The following LPXN variants were observed in gnomAD, a reference collection of about 807,000 sequenced individuals.
LPXN encodes the protein leupaxin.
LPXN carries 28 observed loss-of-function variants against 45.6 expected under a neutral mutation model. The ratio of observed to expected loss-of-function variants is 0.61; its 90% CI spans 0.45 to 0.84. LPXN has a LOEUF of 0.84. Among genes scored for constraint, LPXN ranks in the 40% least tolerant of loss-of-function variants. LPXN has a pLI of 0.00. For synonymous variants in LPXN, 166 were observed against 169.9 expected, an observed-to-expected ratio of 0.98 and a Z score of 0.18; for missense variants, 459 against 475.0, an observed-to-expected ratio of 0.97 and a Z score of 0.31.
intron 1 of LPXN, 90 bp from the exon 2 acceptor site, chr11:58,570,803 T>C (rs1854671946): frequency 1.1e-6 from 1 of 903,256 alleles, no homozygotes; most frequent in Admixed American, 2.8e-5. Context: ...GTGCCCACAT[T>C]CATCTCCTTT....
At chr11:58,528,796 G>T (rs529740778) in intron 7 of LPXN, among the ~76,000 whole-genome samples, 1 of 152,220 alleles carries the variant, frequency 6.6e-6, no homozygotes, top group South Asian at 2.1e-4. Context: ...TAAACACAAT[G>T]ACTCATACCA....
At chr11:58,545,063 CT>C (rs1853838673) in intron 7 of LPXN, among the ~76,000 whole-genome samples, 1 of 152,076 alleles carries the variant, frequency 6.6e-6, no homozygotes, top group Admixed American at 6.6e-5. Context: ...GGCAGGAGAC[CT>C]TTTTACAGAA....
At chr11:58,565,407 C>G (rs1308172504) in intron 2 of LPXN, among the ~76,000 whole-genome samples, 1 of 151,976 alleles carries the variant, frequency 6.6e-6, no homozygotes, top group African/African-American at 2.4e-5. Flanking sequence ...GTGTTGCGTG[C>G]CTGTAATCCC....
intron 3 of LPXN, among the ~76,000 whole-genome samples, chr11:58,558,540 CAAAAA>C (rs35870490): frequency 6.2e-5 from 3 of 48,018 alleles, no homozygotes; most frequent in African/African-American, 2.2e-4. Context: ...GAGACCCTGT[CAAAAA>C]AAAAAAAAAA....
At chr11:58,572,221 G>C (rs998728782) in intron 1 of LPXN, among the ~76,000 whole-genome samples, 12 of 151,302 alleles carry the variant, frequency 7.9e-5, no homozygotes, top group Admixed American at 1.3e-4. Context: ...AAAAAAAACA[G>C]ATTTTTCATT....
chr11:58,563,507 C>T (rs1352838890), intron 3 of LPXN, among the ~76,000 whole-genome samples: 1 of 152,148 alleles, frequency 6.6e-6, no homozygotes, highest in Non-Finnish European at 1.5e-5. Flanking sequence ...ATTTTATGCT[C>T]TTTAATTTGT....
At chr11:58,573,725 G>C (rs534529758) in intron 1 of LPXN, among the ~76,000 whole-genome samples, 1 of 152,138 alleles carries the variant, frequency 6.6e-6, no homozygotes, top group African/African-American at 2.4e-5. Context: ...CTGGAGAGTG[G>C]GGGCGGGGGA....
At chr11:58,570,907 A>ATT (rs1274153277) in intron 1 of LPXN, among the ~76,000 whole-genome samples, 194 bp from the exon 2 acceptor site, 1 of 152,188 alleles carries the variant, frequency 6.6e-6, no homozygotes, top group Non-Finnish European at 1.5e-5. Flanking sequence ...TAACACCTCC[A>ATT]TAAATTGTGG....
chr11:58,532,953 G>A (rs531309616), intron 7 of LPXN, among the ~76,000 whole-genome samples: 6 of 152,146 alleles, frequency 3.9e-5, no homozygotes, highest in Admixed American at 3.3e-4. Context: ...TGAGGCCAGC[G>A]AGACCACGAA....
intron 4 of LPXN, among the ~76,000 whole-genome samples, chr11:58,552,131 T>C (rs574184191): frequency 7.2e-5 from 11 of 152,132 alleles, no homozygotes; most frequent in Non-Finnish European, 1.0e-4. Context: ...CTGTGGTAGC[T>C]GAGTGGAGAA....
At position 58,528,097 on chromosome 11, in the gene LPXN, T is replaced by G; in HGVS notation, c.837A>C (p.Glu279Asp). Residue 279 changes from glutamate to aspartate, a missense_variant, in exon 8 of 9, where the codon GAA (glutamate) becomes GAC (aspartate). Physicochemically the swap from Glu to Asp is conservative, Grantham distance 45. Coordinates refer to ENST00000395074, the MANE Select transcript of LPXN (RefSeq NM_004811.3). ...CAGTGTCCATGGCTGAAAGGTAGTT[T>G]TCCAACACTGGGCGATTGCAGCCAC... The part of the protein sequence containing the change: ...KCGGCNRPVL[E>D]NYLSAMDTVW... The G allele has an allele frequency of 6.2e-7, 1 of 1,614,212 alleles. No homozygotes were observed. Among genetic ancestry groups the G allele is most frequent in the Non-Finnish European group, 8.5e-7 (1 of 1,180,022 alleles).
At chr11:58,545,716 G>A (rs1853857347) in intron 7 of LPXN, among the ~76,000 whole-genome samples, 2 of 152,118 alleles carry the variant, frequency 1.3e-5, no homozygotes, top group African/African-American at 4.8e-5. Flanking sequence ...CAGCCGAAGA[G>A]GAATTGAATT....
intron 2 of LPXN, among the ~76,000 whole-genome samples, chr11:58,564,884 T>C (rs550445348): frequency 1.8e-4 from 27 of 152,122 alleles, no homozygotes; most frequent in Non-Finnish European, 1.2e-4. Flanking sequence ...AGGACTTATA[T>C]AGGAGGTGGG....
At chr11:58,559,255 T>C (rs1362064293) in intron 3 of LPXN, among the ~76,000 whole-genome samples, 12 of 152,254 alleles carry the variant, frequency 7.9e-5, no homozygotes, top group African/African-American at 2.4e-4. Context: ...TAGGTGGTTA[T>C]ATAAATTTAT....
chr11:58,527,695 G>C lies in LPXN; in HGVS notation c.920C>G (p.Ser307Cys). 3.7e-6 allele frequency: 6 copies of C among 1,614,094 alleles called. No homozygotes were observed. Among genetic ancestry groups the C allele is most frequent in the Non-Finnish European group, 5.1e-6 (6 of 1,180,018 alleles). ...TGGACGTCCATCCAGTTCAAAGAAG[G>C]AGCCAGTAGAAAAACTGGTGAAGCA... ...GDCFTSFSTG[S>C]FFELDGRPFC... The change falls in exon 9 of 9, where the codon TCC becomes TGC. Residue 307 changes from serine (S) to cysteine (C), a missense_variant. Transcript: ENST00000395074.
chr11:58,575,729 C>G (rs774427710), intron 1 of LPXN, 31 bp downstream of exon 1: 49 of 1,613,908 alleles, frequency 3.0e-5, no homozygotes, highest in Non-Finnish European at 4.2e-5. Flanking sequence ...TCTTCACTCC[C>G]TCAGAGTTTC....
chr11:58,555,270 C>T (rs932473241), intron 3 of LPXN, among the ~76,000 whole-genome samples: 4 of 152,152 alleles, frequency 2.6e-5, no homozygotes. Context: ...TGGCCATGTC[C>T]ATTCATTTAT....
At chr11:58,575,962 T>C, upstream of LPXN, 3 of 1,420,896 alleles carry the variant, frequency 2.1e-6, no homozygotes, top group Non-Finnish European at 2.8e-6. Flanking sequence ...TTTCATAGGT[T>C]ACACAGTTTT....
intron 7 of LPXN, among the ~76,000 whole-genome samples, chr11:58,535,630 C>A (rs1179166702): frequency 6.6e-6 from 1 of 152,192 alleles, no homozygotes; most frequent in Admixed American, 6.5e-5. Flanking sequence ...TGCCGTCTCT[C>A]ACCACTCATA....
Sources: gnomAD v4.1 joint callset for allele counts (sites outside exome capture counted in the v4.1 genomes callset) on GRCh38, gnomAD v4.1.1 for gene constraint, MANE v1.5 for transcripts, NCBI Gene and HGNC (gene_info 2026-07-23, HGNC 2026-07-21) for gene names.